The following SOX6 variants were observed in gnomAD, a reference collection of about 807,000 sequenced individuals.
SOX6 encodes the protein transcription factor SOX-6.
Under a neutral mutation model 97.8 loss-of-function variants are expected in SOX6, and 11 were observed. That is an observed-to-expected ratio of 0.11 (90% confidence interval 0.07 to 0.19). SOX6 has a LOEUF of 0.19. SOX6 is among the 10% of genes least tolerant of loss of function. The pLI, the probability that SOX6 is intolerant of heterozygous loss-of-function variation, is 1.00. For missense variants in SOX6, 810 were observed against 1,039.5 expected, an observed-to-expected ratio of 0.78 and a Z score of 3.04; for synonymous variants, 360 against 371.4, an observed-to-expected ratio of 0.97 and a Z score of 0.35.
At chr11:16,437,096 G>C (rs971457872) in intron 1 of SOX6, among the ~76,000 whole-genome samples, 11 of 115,668 alleles carry the variant, frequency 9.5e-5, no homozygotes, top group African/African-American at 3.8e-4. Context: ...ATCTTTACAA[G>C]AAATTAAAAA....
intron 1 of SOX6, among the ~76,000 whole-genome samples, chr11:16,431,300 T>C (rs1859267703): frequency 6.6e-6 from 1 of 152,144 alleles, no homozygotes; most frequent in Admixed American, 6.6e-5. Context: ...ACCACTAGAA[T>C]ATAAACTTAA....
chr11:15,977,304 C>T lies in SOX6; in HGVS notation c.2184-4192G>A, dbSNP rs371938862. On this transcript the variant is annotated intron_variant, in intron 15 of 15. Coordinates refer to ENST00000683767, the MANE Select transcript of SOX6 (RefSeq NM_001367873.1). ...TGGGCCCCTCCCTATCTTAGTTGCT[C>T]GCTCTCTTGTCATACAGTGGACCTT... 3.9e-5 allele frequency among the ~76,000 whole-genome samples: 6 copies of T among 152,186 alleles called. No homozygotes were observed. In the East Asian group the frequency reaches 9.7e-4, roughly 25 times the overall value.
At chr11:16,045,299 T>C (rs1333419434) in intron 12 of SOX6, among the ~76,000 whole-genome samples, 1 of 152,074 alleles carries the variant, frequency 6.6e-6, no homozygotes, top group Non-Finnish European at 1.5e-5. Context: ...TGGGAGGTAA[T>C]TAGGTTTAGA....
intron 1 of SOX6, among the ~76,000 whole-genome samples, chr11:16,433,048 A>G (rs1024628131): frequency 6.6e-6 from 1 of 152,044 alleles, no homozygotes; most frequent in Non-Finnish European, 1.5e-5. Context: ...CAAGGCCTTT[A>G]AAAATAATCA....
In SOX6 at chr11:15,972,506, C is replaced by A; in HGVS notation, c.*303G>T. 1 of 373,776 alleles carries A rather than the reference C, an allele frequency of 2.7e-6. No homozygotes were observed. The highest frequency in any genetic ancestry group is 4.9e-6 in the Non-Finnish European group (1 of 204,318). The allele number at this position is 373,776 out of a possible 1,614,324, so 23.2% of individuals were successfully genotyped here. On this transcript the variant is annotated 3_prime_UTR_variant, in exon 16 of 16. Coordinates refer to ENST00000683767, the MANE Select transcript of SOX6 (RefSeq NM_001367873.1). ...CATCCAAAAGAAAAAAAAAGTAAGA[C>A]AAAAATATAAGACTTGTAAGACATC...
At chr11:16,509,663 C>A (rs1377994749) in intron 4 of SOX6, among the ~76,000 whole-genome samples, 1 of 151,958 alleles carries the variant, frequency 6.6e-6, no homozygotes, top group Non-Finnish European at 1.5e-5. Flanking sequence ...CAGACAGGTC[C>A]ACAGAAAATA....
chr11:15,986,527 G>T (rs1350921887), intron 14 of SOX6, 107 bp from the exon 15 acceptor site: 3 of 1,077,426 alleles, frequency 2.8e-6, no homozygotes, highest in Non-Finnish European at 4.2e-6. Context: ...TGCGCTGGGT[G>T]GCTCCAATTC....
intron 12 of SOX6, among the ~76,000 whole-genome samples, chr11:16,035,797 T>C (rs532383041): frequency 2.0e-5 from 3 of 152,194 alleles, no homozygotes; most frequent in African/African-American, 7.2e-5. Context: ...TTAGCAAGGA[T>C]GATAGTATAG....
intron 13 of SOX6, among the ~76,000 whole-genome samples, chr11:16,009,132 T>G (rs1050291737): frequency 6.6e-6 from 1 of 152,070 alleles, no homozygotes; most frequent in Admixed American, 6.6e-5. Context: ...TCTCATCTTT[T>G]ATTCCTAGTA....
rs1847797692 is a variant in SOX6, at chr11:16,055,721, C to T, written c.1251+31G>A. 3 of 1,613,044 alleles carry T rather than the reference C, an allele frequency of 1.9e-6. No homozygotes were observed. The Admixed American group carries it at 5.0e-5, about 27-fold the overall frequency. On this transcript the variant is annotated intron_variant, in intron 10 of 15. Coordinates refer to ENST00000683767, the MANE Select transcript of SOX6 (RefSeq NM_001367873.1). The stretch of plus-strand genomic sequence containing the variant: ...CTTTCTTGTGAAACTTTTTTCTAAA[C>T]TGTTTCCACAATGCTGCAAGGCGAG...
chr11:16,179,639 A>G (rs1270702398), intron 6 of SOX6, among the ~76,000 whole-genome samples: 1 of 151,954 alleles, frequency 6.6e-6, no homozygotes, highest in African/African-American at 2.4e-5. Context: ...AATATTGCAC[A>G]TTAATCATAA....
chr11:16,697,118 TCACATTTTCAGGCTC>T (rs1848059741), intron 3 of SOX6, among the ~76,000 whole-genome samples: 5 of 152,180 alleles, frequency 3.3e-5, no homozygotes, highest in Admixed American at 3.3e-4. Flanking sequence ...AACAATTCAG[TCACATTTTCAGGCTC>T]CACTTCTGAT....
intron 3 of SOX6, among the ~76,000 whole-genome samples, chr11:16,302,211 C>T (rs953406099): frequency 6.6e-6 from 1 of 152,156 alleles, no homozygotes; most frequent in Admixed American, 6.5e-5. Flanking sequence ...AGTTACTTTT[C>T]TTAAAAAAGT....
chr11:16,511,460 C>G (rs574680348), intron 4 of SOX6, among the ~76,000 whole-genome samples: 30 of 152,258 alleles, frequency 2.0e-4, no homozygotes, highest in African/African-American at 7.0e-4. Flanking sequence ...TGTATCAAAA[C>G]TTTCTCTAAA....
intron 3 of SOX6, among the ~76,000 whole-genome samples, chr11:16,692,575 A>G (rs1040783278): frequency 3.3e-5 from 5 of 152,244 alleles, no homozygotes; most frequent in Non-Finnish European, 5.9e-5. Context: ...TTTAGAAGAC[A>G]GTTTACCAAC....
chr11:16,017,267 GA>G (rs1048770081), intron 12 of SOX6, among the ~76,000 whole-genome samples: 4 of 150,498 alleles, frequency 2.7e-5, no homozygotes, highest in Non-Finnish European at 5.9e-5. Context: ...TAACTTCATT[GA>G]AAAAAAAATC....
chr11:16,378,326 A>T (rs1440151778), intron 1 of SOX6, among the ~76,000 whole-genome samples: 1 of 152,122 alleles, frequency 6.6e-6, no homozygotes, highest in Non-Finnish European at 1.5e-5. Context: ...GAGATTTGGA[A>T]GTGGGGGTAG....
chr11:16,381,821 G>A (rs890140339), intron 1 of SOX6, among the ~76,000 whole-genome samples: 1 of 151,142 alleles, frequency 6.6e-6, no homozygotes, highest in Non-Finnish European at 1.5e-5. Context: ...TACACACACA[G>A]GCAGAGGCAC....
At chr11:16,662,319 A>C (rs1213072807) in intron 3 of SOX6, among the ~76,000 whole-genome samples, 1 of 152,194 alleles carries the variant, frequency 6.6e-6, no homozygotes, top group African/African-American at 2.4e-5. Context: ...TTCTTTCAAA[A>C]TGTAAACTAT....
Sources: gnomAD v4.1 joint callset for allele counts (sites outside exome capture counted in the v4.1 genomes callset) on GRCh38, gnomAD v4.1.1 for gene constraint, MANE v1.5 for transcripts, NCBI Gene and HGNC (gene_info 2026-07-23, HGNC 2026-07-21) for gene names.